RDX: variants seen among roughly 807,000 people sequenced by gnomAD.
RDX encodes deafness, autosomal recessive 24.
Under a neutral mutation model 83.7 loss-of-function variants are expected in RDX, and 32 were observed. The ratio of observed to expected loss-of-function variants is 0.38; its 90% CI spans 0.29 to 0.51. RDX has a LOEUF of 0.51. Among genes scored for constraint, RDX ranks in the 20% least tolerant of loss-of-function variants. RDX has a pLI of 0.87. For synonymous variants in RDX, 229 were observed against 222.7 expected, an observed-to-expected ratio of 1.03 and a Z score of -0.25; for missense variants, 600 against 689.9, an observed-to-expected ratio of 0.87 and a Z score of 1.46.
At chr11:110,255,441 CT>C in intron 7 of RDX, 56 bp from the exon 8 acceptor site, 1 of 914,860 alleles carries the variant, frequency 1.1e-6, no homozygotes, top group Non-Finnish European at 1.8e-6. Context: ...AATAAAATTC[CT>C]GTTTAGGACC....
chr11:110,211,865 G>T (rs1242183498), intron 14 of RDX, among the ~76,000 whole-genome samples: 3 of 150,910 alleles, frequency 2.0e-5, no homozygotes, highest in Admixed American at 6.6e-5. Flanking sequence ...AGCACTAAAT[G>T]CCCACAAGAG....
chr11:110,259,650 A>C (rs976435002), intron 5 of RDX, among the ~76,000 whole-genome samples: 1 of 152,006 alleles, frequency 6.6e-6, no homozygotes, highest in Non-Finnish European at 1.5e-5. Flanking sequence ...CTTCTGAGAG[A>C]GCTTAGGTTT....
chr11:110,212,643 A>C (rs1356253068), intron 14 of RDX, among the ~76,000 whole-genome samples: 1 of 74,540 alleles, frequency 1.3e-5, no homozygotes, highest in Non-Finnish European at 2.6e-5. Flanking sequence ...CACCATGATC[A>C]AGTGGGCTTC....
intron 1 of RDX, among the ~76,000 whole-genome samples, chr11:110,282,496 C>T (rs575313503): frequency 1.8e-4 from 27 of 151,896 alleles, no homozygotes; most frequent in African/African-American, 6.3e-4. Flanking sequence ...TATAATGATA[C>T]AACTACAAAG....
chr11:110,229,624 A>G lies in RDX; in HGVS notation c.*2245T>C, dbSNP rs1864547929. ...TATGAACATGTGCTCGCGACTGCTA[A>G]TAAGTTATAATTGGTTTAATCTCTA... On this transcript the variant is annotated 3_prime_UTR_variant, in exon 14 of 14. Coordinates refer to ENST00000645495, the MANE Select transcript of RDX (RefSeq NM_002906.4). The G allele has an allele frequency of 1.3e-5, 2 of 152,548 alleles. No individual in the cohort carries two copies. Among genetic ancestry groups the G allele is most frequent in the African/African-American group, 2.4e-5 (1 of 41,464 alleles). 9.4% of individuals were successfully genotyped at this position (152,548 alleles called of 1,614,324 possible).
chr11:110,233,293 C>T lies in RDX; in HGVS notation c.1531G>A (p.Glu511Lys), dbSNP rs758394158. 8 of 1,614,034 alleles carry T rather than the reference C, an allele frequency of 5.0e-6. No homozygotes were observed. Among genetic ancestry groups the T allele is most frequent in the Middle Eastern group, 3.3e-4 (2 of 5,992 alleles). The change falls in exon 13 of 14, where the codon GAG (glutamate) becomes AAG (lysine). Residue 511 changes from glutamate to lysine, a missense_variant. By Grantham distance (56) the Glu-to-Lys change is moderately conservative. Coordinates refer to ENST00000645495, the MANE Select transcript of RDX (RefSeq NM_002906.4). ...TGTGTTTCGGTTACACGTTCTTCCT[C>T]GCTTCTATGGTTCATTACCCCTTCA... Reference protein sequence around the residue: ...SNEGVMNHRSEEERVTETQKN... With the variant: ...SNEGVMNHRSKEERVTETQKN...
chr11:110,209,240 A>G (rs1296029009), intron 14 of RDX, among the ~76,000 whole-genome samples: 1 of 152,172 alleles, frequency 6.6e-6, no homozygotes, highest in Non-Finnish European at 1.5e-5. Flanking sequence ...CGGCACCTGG[A>G]AAATCGGGTC....
intron 15 of RDX, among the ~76,000 whole-genome samples, chr11:110,184,684 G>A (rs1316244324): frequency 6.6e-6 from 1 of 152,234 alleles, no homozygotes; most frequent in African/African-American, 2.4e-5. Flanking sequence ...TTGCAGGTGG[G>A]AGGCGGGGTG....
At chr11:110,218,920 G>C (rs1487709845) in intron 14 of RDX, among the ~76,000 whole-genome samples, 1 of 152,148 alleles carries the variant, frequency 6.6e-6, no homozygotes, top group African/African-American at 2.4e-5. Flanking sequence ...TGGCATTCCA[G>C]GCACTGCTCT....
At chr11:110,272,661 A>G in intron 2 of RDX, 42 bp from the exon 3 acceptor site, 1 of 1,331,508 alleles carries the variant, frequency 7.5e-7, no homozygotes, top group Non-Finnish European at 1.1e-6. Context: ...AAGAGAAGTT[A>G]TTAGGCGTGA....
chr11:110,291,203 T>C (rs951246842), intron 1 of RDX, among the ~76,000 whole-genome samples: 30 of 152,090 alleles, frequency 2.0e-4, no homozygotes, highest in African/African-American at 5.6e-4. Flanking sequence ...TGTGCACATG[T>C]AGTCTTAGCT....
intron 14 of RDX, among the ~76,000 whole-genome samples, chr11:110,204,135 G>A (rs1355110382): frequency 1.3e-5 from 2 of 152,104 alleles, no homozygotes; most frequent in Admixed American, 1.3e-4. Context: ...AAAGTTTTAT[G>A]GATGGAGAAG....
At chr11:110,216,081 C>T (rs1320598774) in intron 14 of RDX, among the ~76,000 whole-genome samples, 2 of 152,306 alleles carry the variant, frequency 1.3e-5, no homozygotes, top group Admixed American at 1.3e-4. Context: ...CAGGGCCAAA[C>T]TGCTCAGTGG....
intron 5 of RDX, among the ~76,000 whole-genome samples, chr11:110,258,500 C>A (rs528847071): frequency 6.6e-6 from 1 of 152,188 alleles, no homozygotes; most frequent in African/African-American, 2.4e-5. Flanking sequence ...TTTTTTACAA[C>A]TGCATAATAA....
intron 2 of RDX, among the ~76,000 whole-genome samples, chr11:110,279,148 C>T (rs1339511932): frequency 6.6e-6 from 1 of 152,178 alleles, no homozygotes. Flanking sequence ...ATATCAGATT[C>T]TTCTAACCCT....
chr11:110,282,201 T>C (rs1038594269), intron 1 of RDX, among the ~76,000 whole-genome samples: 11 of 152,228 alleles, frequency 7.2e-5, no homozygotes, highest in Non-Finnish European at 1.3e-4. Flanking sequence ...ATAAGACATG[T>C]GTGTCTGCAT....
At chr11:110,211,308 A>C (rs1453078426) in intron 14 of RDX, among the ~76,000 whole-genome samples, 1 of 152,224 alleles carries the variant, frequency 6.6e-6, no homozygotes, top group Admixed American at 6.5e-5. Context: ...TATGCACCCA[A>C]TACAGGAGCA....
In RDX at chr11:110,264,227, T is replaced by C; in HGVS notation, c.200A>G (p.Gln67Arg). Reference sequence around the variant, plus strand: ...AGGATTCTCTTTTTTAACATCCTGCTGTGTTACCTGGAAAAATAATTTCAA... The same window carrying C: ...AGGATTCTCTTTTTTAACATCCTGCCGTGTTACCTGGAAAAATAATTTCAA... ...TWLKLNKKVT[Q>R]QDVKKENPLQ... The change falls in exon 5 of 14, where the codon CAG (glutamine) becomes CGG (arginine). Residue 67 changes from glutamine to arginine, a missense_variant. Gln to Arg is a conservative substitution (Grantham distance 43). Coordinates refer to ENST00000645495, the MANE Select transcript of RDX (RefSeq NM_002906.4). The C allele has an allele frequency of 6.3e-7, 1 of 1,598,810 alleles. No homozygotes were observed.
intron 4 of RDX, among the ~76,000 whole-genome samples, 157 bp downstream of exon 4, chr11:110,264,622 G>A (rs566332708): frequency 2.2e-4 from 33 of 147,946 alleles, no homozygotes; most frequent in South Asian, 6.4e-4. Flanking sequence ...ATAAGCTGAT[G>A]GTGCCTGATT....
Sources: gnomAD v4.1 joint callset for allele counts (sites outside exome capture counted in the v4.1 genomes callset) on GRCh38, gnomAD v4.1.1 for gene constraint, MANE v1.5 for transcripts, NCBI Gene and HGNC (gene_info 2026-07-23, HGNC 2026-07-21) for gene names.